Variants in GATA4 observed in about 807,000 individuals in gnomAD.
GATA4 encodes the protein transcription factor GATA-4.
In GATA4, 7 loss-of-function variants were observed where a neutral mutation model predicts 37.9. The ratio of observed to expected loss-of-function variants is 0.18; its 90% CI spans 0.11 to 0.35. The LOEUF (loss-of-function observed/expected upper bound fraction) is 0.35, where lower values mean the gene tolerates loss of function less well. Among genes scored for constraint, GATA4 ranks in the 10% least tolerant of loss-of-function variants. The pLI is 1.00. For missense variants in GATA4, 647 were observed against 653.0 expected (o/e 0.99, Z 0.10); for synonymous variants, 372 against 292.6 (o/e 1.27, Z -2.77).
intron 2 of GATA4, among the ~76,000 whole-genome samples, chr8:11,739,050 G>C (rs1169016707): frequency 6.6e-6 from 1 of 152,228 alleles, no homozygotes; most frequent in Non-Finnish European, 1.5e-5. Flanking sequence ...ATGCCACTGT[G>C]GTGGGAGGCA....
chr8:11,700,113 T>C (rs1036225583), upstream of GATA4, among the ~76,000 whole-genome samples: 1 of 152,196 alleles, frequency 6.6e-6, no homozygotes, highest in African/African-American at 2.4e-5. Flanking sequence ...TCCCTTCCTC[T>C]TGCTAATGAT....
At position 11,759,590 on chromosome 8, in the gene GATA4, A is replaced by G. The variant is rs1200058173; in HGVS notation, c.*1115A>G. 1 of 152,250 alleles carries G rather than the reference A, an allele frequency of 6.6e-6. No homozygotes were observed. The highest frequency in any genetic ancestry group is 1.5e-5 in the Non-Finnish European group (1 of 68,062). 9.4% of individuals were successfully genotyped at this position (152,250 alleles called of 1,614,324 possible). On this transcript the variant is annotated 3_prime_UTR_variant, in exon 7 of 7. Coordinates refer to ENST00000532059, the MANE Select transcript of GATA4 (RefSeq NM_001308093.3). Reference sequence around the variant, plus strand: ...CACGAATTCGAAGCAAACAAACACAACACAACAGAATTCCTGGAAAGAAGA... The same window carrying G: ...CACGAATTCGAAGCAAACAAACACAGCACAACAGAATTCCTGGAAAGAAGA...
At chr8:11,736,295 C>A (rs1323806711) in intron 2 of GATA4, among the ~76,000 whole-genome samples, 1 of 152,236 alleles carries the variant, frequency 6.6e-6, no homozygotes, top group African/African-American at 2.4e-5. Context: ...AGTTAGAATG[C>A]AGTGCCACGT....
At chr8:11,689,116 AGAC>A (rs1799232593), upstream of GATA4, among the ~76,000 whole-genome samples, 2 of 152,228 alleles carry the variant, frequency 1.3e-5, no homozygotes, top group Non-Finnish European at 2.9e-5. Context: ...AGAAGCTGCA[AGAC>A]GACTTCTGGA....
intron 2 of GATA4, among the ~76,000 whole-genome samples, chr8:11,727,566 G>A (rs1416945196): frequency 6.6e-6 from 1 of 152,164 alleles, no homozygotes; most frequent in East Asian, 1.9e-4. Flanking sequence ...TGCTAGCCTG[G>A]GTGCGGTGGC....
intron 6 of GATA4, among the ~76,000 whole-genome samples, chr8:11,757,630 C>A (rs1254483464): frequency 6.6e-6 from 1 of 152,186 alleles, no homozygotes; most frequent in African/African-American, 2.4e-5. Flanking sequence ...GCAGGCAGGG[C>A]AGGCTGGTGG....
chr8:11,724,442 T>C (rs1374232375), intron 2 of GATA4, among the ~76,000 whole-genome samples: 2 of 152,236 alleles, frequency 1.3e-5, no homozygotes, highest in Admixed American at 1.3e-4. Flanking sequence ...TTTACATCTG[T>C]CAGTCTTTCC....
chr8:11,742,364 G>A (rs908794833), intron 2 of GATA4, among the ~76,000 whole-genome samples: 3 of 144,686 alleles, frequency 2.1e-5, no homozygotes, highest in South Asian at 2.2e-4. Flanking sequence ...CCCTCCCTCC[G>A]TTCTTGTTTT....
intron 2 of GATA4, among the ~76,000 whole-genome samples, chr8:11,741,014 A>G (rs1252651947): frequency 6.6e-6 from 1 of 152,082 alleles, no homozygotes; most frequent in Non-Finnish European, 1.5e-5. Flanking sequence ...GATTACAGGC[A>G]TGAGCCACCA....
At chr8:11,705,260 T>G (rs1466013631) in intron 1 of GATA4, among the ~76,000 whole-genome samples, 3 of 151,774 alleles carry the variant, frequency 2.0e-5, no homozygotes, top group Non-Finnish European at 2.9e-5. Flanking sequence ...AGAGCAGGTT[T>G]CAGGCTTTTA....
At chr8:11,758,195 T>C in intron 6 of GATA4, 98 bp from the exon 7 acceptor site, 1 of 1,201,264 alleles carries the variant, frequency 8.3e-7, no homozygotes, top group South Asian at 1.2e-5. Flanking sequence ...GAAGCCATCC[T>C]GGGGACATCT....
At chr8:11,742,395 TTCC>T (rs1203484205) in intron 2 of GATA4, among the ~76,000 whole-genome samples, 7 of 63,578 alleles carry the variant, frequency 1.1e-4, no homozygotes, top group South Asian at 4.1e-4. Context: ...TTTTTTTTTT[TTCC>T]TTTCCCTTTC....
At chr8:11,750,617 C>A (rs2645396) in intron 4 of GATA4, among the ~76,000 whole-genome samples, 121,742 of 151,922 alleles carry the variant, frequency 0.8, 49,414 homozygotes, top group East Asian at 0.98. Flanking sequence ...AAGGATATTA[C>A]ATGTAAAACA....
intron 1 of GATA4, among the ~76,000 whole-genome samples, chr8:11,695,304 G>T (rs1294523161): frequency 6.6e-6 from 1 of 152,150 alleles, no homozygotes; most frequent in Non-Finnish European, 1.5e-5. Flanking sequence ...AACTTGGGAG[G>T]CTGAGGCAGG....
At chr8:11,751,740 A>G (rs1802315275) in intron 4 of GATA4, among the ~76,000 whole-genome samples, 1 of 152,208 alleles carries the variant, frequency 6.6e-6, no homozygotes, top group African/African-American at 2.4e-5. Flanking sequence ...AATCAGAGAA[A>G]TGTACCTGAA....
intron 2 of GATA4, among the ~76,000 whole-genome samples, chr8:11,743,751 G>C (rs534558197): frequency 1.3e-5 from 2 of 152,228 alleles, no homozygotes; most frequent in Non-Finnish European, 2.9e-5. Flanking sequence ...GGAAGTCAGG[G>C]GTGGGATGTT....
At position 11,759,339 on chromosome 8, in the gene GATA4, A is replaced by G. The variant is rs1802769262; in HGVS notation, c.*864A>G. 6.5e-6 allele frequency: 1 copy of G among 152,924 alleles called. No individual in the cohort carries two copies. The highest frequency in any genetic ancestry group is 1.5e-5 in the Non-Finnish European group (1 of 68,642). 9.5% of individuals were successfully genotyped at this position (152,924 alleles called of 1,614,324 possible). A position where few individuals can be genotyped will look rare whatever the true frequency, so the allele number is the denominator to read the frequency against. Reference sequence around the variant, plus strand: ...GTAAGAACAAAACGTTCTGCTGCTCAAGCCAGTCTGGCAAGCACTCAGCCC... The same window carrying G: ...GTAAGAACAAAACGTTCTGCTGCTCGAGCCAGTCTGGCAAGCACTCAGCCC... On this transcript the variant is annotated 3_prime_UTR_variant, in exon 7 of 7. Transcript: ENST00000532059.
chr8:11,747,203 C>T (rs934667481), intron 2 of GATA4, among the ~76,000 whole-genome samples: 14 of 152,190 alleles, frequency 9.2e-5, no homozygotes, highest in African/African-American at 3.4e-4. Flanking sequence ...TGTTTTGGGA[C>T]AGCAAATTAG....
chr8:11,734,987 G>A (rs1281598657), intron 2 of GATA4, among the ~76,000 whole-genome samples: 1 of 152,162 alleles, frequency 6.6e-6, no homozygotes, highest in Admixed American at 6.5e-5. Context: ...TAATATAATG[G>A]AAAACTGTAA....
Sources: allele counts gnomAD v4.1 joint callset (sites outside exome capture counted in the v4.1 genomes callset), GRCh38; gene constraint gnomAD v4.1.1; transcripts MANE v1.5; gene names NCBI Gene and HGNC (gene_info 2026-07-23, HGNC 2026-07-21).